The following OCA2 variants were observed in gnomAD, a reference collection of about 807,000 sequenced individuals.
OCA2 encodes OCA2 melanosomal transmembrane protein.
A neutral mutation model predicts 100.2 loss-of-function variants in OCA2; 77 were observed. The ratio of observed to expected loss-of-function variants is 0.77; its 90% CI spans 0.64 to 0.93. The LOEUF is 0.93. Among genes scored for constraint, OCA2 ranks in the 40% least tolerant of loss-of-function variants. The pLI, the probability that OCA2 is intolerant of heterozygous loss-of-function variation, is 0.00. For synonymous variants in OCA2, 432 were observed against 439.2 expected (o/e 0.98, Z 0.21); for missense variants, 1,062 against 1,089.1 (o/e 0.98, Z 0.35).
chr15:28,082,211 G>A (rs546730959), intron 1 of OCA2, among the ~76,000 whole-genome samples: 8 of 152,266 alleles, frequency 5.3e-5, no homozygotes, highest in Non-Finnish European at 1.0e-4. Context: ...ACTCTGTACA[G>A]TGGACCAATC....
Position 27,951,905 on chromosome 15 carries a change from A to C in OCA2, c.1843-13T>G. On this transcript the variant is annotated splice_polypyrimidine_tract_variant and intron_variant, in intron 17 of 23. Transcript: ENST00000354638. ...CAGATATCCTATGCTGTAAGAGAGA[A>C]ACCACAGCTCATTTACTCTGCACAA... The C allele has an allele frequency of 6.4e-7, 1 of 1,562,772 alleles. No individual in the cohort carries two copies. Among genetic ancestry groups the C allele is most frequent in the African/African-American group, 1.4e-5 (1 of 74,018 alleles).
intron 23 of OCA2, among the ~76,000 whole-genome samples, chr15:27,840,786 C>T (rs544379748): frequency 2.9e-4 from 44 of 152,124 alleles, no homozygotes; most frequent in Middle Eastern, 6.8e-3. Flanking sequence ...GGAACATGAA[C>T]GTAAATGTAA....
chr15:27,761,754 G>A (rs777633713), intron 23 of OCA2, among the ~76,000 whole-genome samples: 6 of 152,188 alleles, frequency 3.9e-5, no homozygotes, highest in Admixed American at 1.3e-4. Flanking sequence ...AATACAGCAC[G>A]GATGCAGATA....
At chr15:27,901,352 G>T (rs1479475253) in intron 19 of OCA2, among the ~76,000 whole-genome samples, 1 of 152,194 alleles carries the variant, frequency 6.6e-6, no homozygotes, top group Non-Finnish European at 1.5e-5. Context: ...TGGAATCCAG[G>T]TAAGTCTGGC....
At chr15:27,952,791 A>C (rs150745702) in intron 17 of OCA2, among the ~76,000 whole-genome samples, 1,541 of 151,558 alleles carry the variant, frequency 0.01, 28 homozygotes, top group African/African-American at 0.035. Context: ...TGATCCTCCT[A>C]CCTCAGCCTC....
chr15:27,770,796 C>CTTTT (rs2031696575), intron 23 of OCA2, among the ~76,000 whole-genome samples: 1 of 123,892 alleles, frequency 8.1e-6, no homozygotes, highest in African/African-American at 3.1e-5. Flanking sequence ...CTTCCTCCCT[C>CTTTT]CCTCTTTTCC....
At chr15:27,911,508 T>C (rs967065541) in intron 19 of OCA2, among the ~76,000 whole-genome samples, 23 of 152,336 alleles carry the variant, frequency 1.5e-4, no homozygotes, top group Admixed American at 5.9e-4. Context: ...CATCTGCATC[T>C]GACGAGGACC....
chr15:28,027,247 G>T (rs574916196), intron 4 of OCA2, among the ~76,000 whole-genome samples: 174 of 152,062 alleles, frequency 1.1e-3, no homozygotes, highest in African/African-American at 4.0e-3. Flanking sequence ...CCACTCCCAC[G>T]CCCGCCGTCC....
chr15:27,979,171 T>C (rs907304886), intron 14 of OCA2, among the ~76,000 whole-genome samples: 5 of 152,236 alleles, frequency 3.3e-5, no homozygotes, highest in African/African-American at 9.6e-5. Flanking sequence ...AAGTAGACTT[T>C]GTGTTAGATT....
At chr15:27,933,443 G>T (rs1158499628) in intron 18 of OCA2, among the ~76,000 whole-genome samples, 1 of 152,188 alleles carries the variant, frequency 6.6e-6, no homozygotes, top group Non-Finnish European at 1.5e-5. Context: ...GAAATGTTTT[G>T]GAGATAACGG....
intron 9 of OCA2, among the ~76,000 whole-genome samples, chr15:28,004,119 T>C (rs2042015723): frequency 6.6e-6 from 1 of 152,244 alleles, no homozygotes. Flanking sequence ...TTTACCAAAG[T>C]AGCCCACAGA....
At chr15:28,024,690 A>C (rs1395410535) in intron 5 of OCA2, among the ~76,000 whole-genome samples, 155 bp downstream of exon 5, 1 of 152,186 alleles carries the variant, frequency 6.6e-6, no homozygotes, top group Non-Finnish European at 1.5e-5. Context: ...CCGCTGCCCC[A>C]CAACCCTCAG....
intron 21 of OCA2, 23 bp from the exon 22 acceptor site, chr15:27,851,498 T>C (rs770092907): frequency 6.3e-7 from 1 of 1,592,228 alleles, no homozygotes; most frequent in African/African-American, 1.3e-5. Flanking sequence ...AGGACATTGA[T>C]GCCACGTCCC....
At chr15:27,934,490 T>C (rs1241240145) in intron 18 of OCA2, among the ~76,000 whole-genome samples, 3 of 152,224 alleles carry the variant, frequency 2.0e-5, no homozygotes, top group Non-Finnish European at 4.4e-5. Flanking sequence ...TTTCTTTAAA[T>C]TCTCAGTAAG....
chr15:27,937,562 C>G (rs1474101824), intron 18 of OCA2, among the ~76,000 whole-genome samples: 1 of 152,228 alleles, frequency 6.6e-6, no homozygotes, highest in Admixed American at 6.5e-5. Flanking sequence ...TCTTTCAGCA[C>G]TCAGTACTGT....
chr15:28,082,260 G>A (rs1274957147), intron 1 of OCA2, among the ~76,000 whole-genome samples: 1 of 152,160 alleles, frequency 6.6e-6, no homozygotes, highest in Non-Finnish European at 1.5e-5. Context: ...GGACGTGGGC[G>A]GGGACAAATA....
chr15:27,805,258 C>A (rs1465057362), intron 23 of OCA2, among the ~76,000 whole-genome samples: 1 of 152,230 alleles, frequency 6.6e-6, no homozygotes, highest in Non-Finnish European at 1.5e-5. Context: ...GCAGAGCCGC[C>A]GTCTTTACAT....
chr15:28,064,808 A>G (rs2043974506), intron 2 of OCA2, among the ~76,000 whole-genome samples: 1 of 151,602 alleles, frequency 6.6e-6, no homozygotes, highest in Non-Finnish European at 1.5e-5. Flanking sequence ...AAAGAAACAA[A>G]TCCATTTAAA....
At position 27,764,212 on chromosome 15, in the gene OCA2, AAG is replaced by A. The variant is rs1480886213; in HGVS notation, c.2433-8742_2433-8741del. Among the ~76,000 whole-genome samples the A allele has an allele frequency of 4.6e-5, 7 of 150,924 alleles. No homozygotes were observed. In the South Asian group the frequency reaches 6.4e-4, roughly 14 times the overall value. On this transcript the variant is annotated intron_variant, in intron 23 of 23. Transcript: ENST00000354638. ...GGAGGGACAGAGGCAAGGAGAGGGGAAGAGAGAGAGGGGAAAATAGAGGGGAG... is the reference window on the plus strand; with the variant it reads ...GGAGGGACAGAGGCAAGGAGAGGGGAAGAGAGAGGGGAAAATAGAGGGGAG...
Sources: allele counts gnomAD v4.1 joint callset (sites outside exome capture counted in the v4.1 genomes callset), GRCh38; gene constraint gnomAD v4.1.1; transcripts MANE v1.5; gene names NCBI Gene and HGNC (gene_info 2026-07-23, HGNC 2026-07-21).